The following ARHGEF28 variants were observed in gnomAD, a reference collection of about 807,000 sequenced individuals.
ARHGEF28 encodes 190 kDa guanine nucleotide exchange factor.
Under a neutral mutation model 206.6 loss-of-function variants are expected in ARHGEF28, and 152 were observed. The observed-to-expected ratio is 0.74, with a 90% confidence interval of 0.64 to 0.84. ARHGEF28 has a LOEUF of 0.84. Among genes scored for constraint, ARHGEF28 ranks in the 40% least tolerant of loss-of-function variants. The pLI, the probability that ARHGEF28 is intolerant of heterozygous loss-of-function variation, is 0.00. For missense variants in ARHGEF28, 2,028 were observed against 2,073.2 expected (o/e 0.98, Z 0.42); for synonymous variants, 763 against 776.4 (o/e 0.98, Z 0.29).
intron 22 of ARHGEF28, among the ~76,000 whole-genome samples, chr5:73,878,605 T>G (rs929786021): frequency 6.0e-5 from 9 of 150,412 alleles, no homozygotes; most frequent in African/African-American, 2.2e-4. Flanking sequence ...CAGGAGCTCT[T>G]TTAGGGCAGG....
chr5:73,664,400 C>T lies in ARHGEF28; in HGVS notation c.-11-20441C>T, dbSNP rs535568385. Among the ~76,000 whole-genome samples, 6 of 152,226 alleles carry T rather than the reference C, an allele frequency of 3.9e-5. No homozygotes were observed. The East Asian group carries it at 7.7e-4, about 20-fold the overall frequency. ...TGATTGGGAGTGAGGGATCTGGATT[C>T]GAATCTTGTCTAGGTTTGAATCCTG... On this transcript the variant is annotated intron_variant, in intron 1 of 35. Coordinates refer to ENST00000513042, the MANE Select transcript of ARHGEF28 (RefSeq NM_001177693.2).
intron 1 of ARHGEF28, among the ~76,000 whole-genome samples, chr5:73,677,667 C>T (rs1746792200): frequency 6.6e-6 from 1 of 151,956 alleles, no homozygotes; most frequent in Non-Finnish European, 1.5e-5. Context: ...TTATGTATTC[C>T]CCGTAAGTCT....
chr5:73,806,434 A>G (rs1304215226), intron 9 of ARHGEF28, among the ~76,000 whole-genome samples: 2 of 128,452 alleles, frequency 1.6e-5, no homozygotes, highest in Non-Finnish European at 3.1e-5. Context: ...TATATATAGT[A>G]TGTATATAGT....
chr5:73,802,561 T>A (rs775387582), intron 9 of ARHGEF28, among the ~76,000 whole-genome samples: 1 of 152,208 alleles, frequency 6.6e-6, no homozygotes, highest in Non-Finnish European at 1.5e-5. Context: ...GCAGATTTCA[T>A]GTATTCCATT....
intron 35 of ARHGEF28, among the ~76,000 whole-genome samples, chr5:73,938,184 A>ACACACC (rs1764528185): frequency 6.8e-6 from 1 of 146,996 alleles, no homozygotes. Flanking sequence ...ACACACACAC[A>ACACACC]CACACACACA....
intron 35 of ARHGEF28, among the ~76,000 whole-genome samples, chr5:73,914,550 T>C (rs536101206): frequency 5.6e-4 from 85 of 151,534 alleles, no homozygotes; most frequent in Non-Finnish European, 9.7e-4. Flanking sequence ...GTGCCCGCCA[T>C]CACACCTGGC....
At chr5:73,689,329 A>T (rs1055595752) in intron 2 of ARHGEF28, among the ~76,000 whole-genome samples, 1 of 152,044 alleles carries the variant, frequency 6.6e-6, no homozygotes, top group Admixed American at 6.6e-5. Flanking sequence ...ATTCAGTTAA[A>T]TTTTTATTTG....
At chr5:73,877,369 C>T (rs1279604526) in intron 22 of ARHGEF28, among the ~76,000 whole-genome samples, 2 of 149,376 alleles carry the variant, frequency 1.3e-5, no homozygotes, top group Non-Finnish European at 3.0e-5. Context: ...TTTCAAAAAA[C>T]CAGCTCCTGG....
chr5:73,840,817 A>C, intron 11 of ARHGEF28, 57 bp downstream of exon 11: 1 of 1,495,598 alleles, frequency 6.7e-7, no homozygotes, highest in Non-Finnish European at 8.9e-7. Flanking sequence ...TTATAGGTAG[A>C]CTTCAAAAAT....
intron 22 of ARHGEF28, among the ~76,000 whole-genome samples, chr5:73,873,629 T>C (rs1207485225): frequency 6.6e-6 from 1 of 152,188 alleles, no homozygotes; most frequent in African/African-American, 2.4e-5. Context: ...AATGCCATCT[T>C]CTCCAAATGT....
At chr5:73,925,540 G>C (rs936783656) in intron 35 of ARHGEF28, among the ~76,000 whole-genome samples, 1 of 152,164 alleles carries the variant, frequency 6.6e-6, no homozygotes, top group Admixed American at 6.5e-5. Context: ...ACTGTCTACT[G>C]TCCAGTCAGT....
chr5:73,840,272 C>T (rs1005787305), intron 10 of ARHGEF28, among the ~76,000 whole-genome samples: 2 of 152,076 alleles, frequency 1.3e-5, no homozygotes, highest in African/African-American at 2.4e-5. Context: ...CGCCACCACA[C>T]CCTGGCTAAT....
intron 13 of ARHGEF28, among the ~76,000 whole-genome samples, chr5:73,850,586 C>T (rs1050434331): frequency 2.0e-5 from 3 of 152,100 alleles, no homozygotes; most frequent in African/African-American, 7.2e-5. Context: ...GTTTTCTGTG[C>T]TTCAAATTAT....
In ARHGEF28 at chr5:73,869,230, G is replaced by GC. The variant is rs1194754733; in HGVS notation, c.2426-839_2426-838insC. Among the ~76,000 whole-genome samples, 11 of 117,804 alleles carry GC rather than the reference G, an allele frequency of 9.3e-5. 1 individual carries two copies. The South Asian group carries it at 1.2e-3, about 13-fold the overall frequency. 77.3% of individuals were successfully genotyped at this position (117,804 alleles called of 152,430 possible). On this transcript the variant is annotated intron_variant, in intron 20 of 35. Transcript: ENST00000513042. ...GGAGTGTGTGTGTGGGGTGGAGGGGGGTGGGGAAGGGCATGTATGTATGTG... is the reference window on the plus strand; with the variant it reads ...GGAGTGTGTGTGTGGGGTGGAGGGGGCGTGGGGAAGGGCATGTATGTATGTG...
At chr5:73,773,639 G>A (rs780704869) in intron 4 of ARHGEF28, among the ~76,000 whole-genome samples, 1 of 152,158 alleles carries the variant, frequency 6.6e-6, no homozygotes, top group African/African-American at 2.4e-5. Context: ...TGTGCTCAGC[G>A]GACCTGGCCC....
chr5:73,766,633 C>G (rs973679593), intron 4 of ARHGEF28, among the ~76,000 whole-genome samples: 2 of 152,136 alleles, frequency 1.3e-5, no homozygotes, highest in East Asian at 3.8e-4. Flanking sequence ...GGCCCTGCCC[C>G]AGAAGTTCTG....
At chr5:73,649,231 A>C (rs972397934) in intron 1 of ARHGEF28, among the ~76,000 whole-genome samples, 2 of 152,154 alleles carry the variant, frequency 1.3e-5, no homozygotes, top group Non-Finnish European at 2.9e-5. Context: ...TGCCTCCTAA[A>C]TGTCACTCAT....
Position 73,633,570 on chromosome 5 carries a change from A to ATTTT in ARHGEF28, c.-12+7269_-12+7272dup, listed in dbSNP as rs764440038. On this transcript the variant is annotated intron_variant, in intron 1 of 35. Transcript: ENST00000513042. Reference sequence around the variant, plus strand: ...AACTCCTCAATAAACAATACCTTTAATTTTTTTTTTTTTTTTTTTTTTTTG... The same window carrying ATTTT: ...AACTCCTCAATAAACAATACCTTTAATTTTTTTTTTTTTTTTTTTTTTTTTTTTG... 4.7e-3 allele frequency among the ~76,000 whole-genome samples: 471 copies of ATTTT among 101,066 alleles called. 3 individuals are homozygous for ATTTT. Among genetic ancestry groups the ATTTT allele is most frequent in the Non-Finnish European group, 6.6e-3 (353 of 53,190 alleles). The allele number at this position is 101,066 out of a possible 152,430, so 66.3% of individuals were successfully genotyped here. A position where few individuals can be genotyped will look rare whatever the true frequency, so the allele number is the denominator to read the frequency against.
intron 1 of ARHGEF28, among the ~76,000 whole-genome samples, chr5:73,675,296 G>A (rs1471661604): frequency 2.0e-5 from 3 of 152,152 alleles, no homozygotes; most frequent in Admixed American, 2.0e-4. Context: ...TATAGTAGAA[G>A]AAACTGTTTT....
Sources: allele counts gnomAD v4.1 joint callset (sites outside exome capture counted in the v4.1 genomes callset), GRCh38; gene constraint gnomAD v4.1.1; transcripts MANE v1.5; gene names NCBI Gene and HGNC (gene_info 2026-07-23, HGNC 2026-07-21).